The following EPHA2 variants were observed in gnomAD, a reference collection of about 807,000 sequenced individuals.
The protein encoded by EPHA2 is EPH receptor A2.
A neutral mutation model predicts 104.9 loss-of-function variants in EPHA2; 54 were observed. The observed-to-expected ratio is 0.51, with a 90% CI of 0.41 to 0.65. EPHA2 has a LOEUF of 0.65. Ranked by LOEUF, EPHA2 falls within the 30% of genes least tolerant of loss-of-function variation. EPHA2 has a pLI of 0.00. For missense variants in EPHA2, 1,117 were observed against 1,369.5 expected (o/e 0.82, Z 2.91); for synonymous variants, 560 against 559.1 (o/e 1.00, Z -0.02).
At chr1:16,133,154 C>A in intron 11 of EPHA2, 26 bp downstream of exon 11, 1 of 1,612,092 alleles carries the variant, frequency 6.2e-7, no homozygotes. Flanking sequence ...CCTCTCCACC[C>A]AGTGTGGGCA....
intron 11 of EPHA2, 53 bp downstream of exon 11, chr1:16,133,127 G>A: frequency 6.2e-7 from 1 of 1,607,224 alleles, no homozygotes; most frequent in Non-Finnish European, 8.5e-7. Context: ...CACAGACAGA[G>A]CCCCTGCTAA....
intron 3 of EPHA2, among the ~76,000 whole-genome samples, chr1:16,140,591 T>A (rs1300389789): frequency 6.6e-6 from 1 of 152,176 alleles, no homozygotes; most frequent in African/African-American, 2.4e-5. Flanking sequence ...ATTTTCAGCC[T>A]CTCTCCTCTC....
chr1:16,147,614 C>T (rs1282873859), intron 3 of EPHA2, among the ~76,000 whole-genome samples: 1 of 151,606 alleles, frequency 6.6e-6, no homozygotes, highest in Non-Finnish European at 1.5e-5. Context: ...AAAATAACAG[C>T]CACATTTAAA....
chr1:16,138,075 C>T lies in EPHA2; in HGVS notation c.1090G>A (p.Val364Ile), dbSNP rs150248625. Residue 364 changes from valine to isoleucine, a missense_variant, in exon 5 of 17, where the codon GTC (valine) becomes ATC (isoleucine). Coordinates refer to ENST00000358432, the MANE Select transcript of EPHA2 (RefSeq NM_004431.5). ...TCGGGCCAGCACTGTTCGCAGGTGA[C>T]GCTGTAGACAATGTCCTCGCGGCCC... ...SGGREDIVYS[V>I]TCEQCWPESG... 70 of 1,612,150 alleles carry T rather than the reference C, an allele frequency of 4.3e-5. No homozygotes were observed. The highest frequency in any genetic ancestry group is 8.3e-5 in the Admixed American group (5 of 59,990).
intron 3 of EPHA2, among the ~76,000 whole-genome samples, chr1:16,141,624 A>G (rs1371518358): frequency 6.6e-6 from 1 of 152,228 alleles, no homozygotes; most frequent in East Asian, 1.9e-4. Context: ...AAACCCCCAC[A>G]GCCCAGGCTC....
chr1:16,138,120 T>C lies in EPHA2; in HGVS notation c.1045A>G (p.Thr349Ala), dbSNP rs774630356. ...CGGCCCCCGCTGTCCTGAGGGGGCG[T>C]CCAGCGCAGCTCCACCTTGGCACCC... ...GMGAKVELRW[T>A]PPQDSGGRED... Residue 349 changes from threonine to alanine, a missense_variant, in exon 5 of 17, where the codon ACG becomes GCG. Physicochemically the swap from Thr to Ala is moderately conservative, Grantham distance 58 (BLOSUM62 0). This residue lies in a region of EPHA2 where 664 missense variants were observed against 784.8 expected (regional missense o/e 0.85). Transcript: ENST00000358432. The C allele has an allele frequency of 1.4e-5, 23 of 1,609,242 alleles. No homozygotes were observed. Among genetic ancestry groups the C allele is most frequent in the South Asian group, 3.3e-5 (3 of 91,060 alleles).
chr1:16,132,550 T>TC (rs2024595128), intron 11 of EPHA2, 111 bp from the exon 12 acceptor site: 1 of 1,124,332 alleles, frequency 8.9e-7, no homozygotes, highest in African/African-American at 1.8e-5. Context: ...GGCACAGGTG[T>TC]GGGGAGAGGT....
Position 16,124,949 on chromosome 1 carries a change from C to T in EPHA2, c.*266G>A. 1 of 507,314 alleles carries T rather than the reference C, an allele frequency of 2.0e-6. No individual in the cohort carries two copies. Among genetic ancestry groups the T allele is most frequent in the Non-Finnish European group, 3.6e-6 (1 of 277,884 alleles). The allele number at this position is 507,314 out of a possible 1,614,324, so 31.4% of individuals were successfully genotyped here. A position where few individuals can be genotyped will look rare whatever the true frequency, so the allele number is the denominator to read the frequency against. The stretch of plus-strand genomic sequence containing the variant: ...TCTGTCCGAAGGCTGTGGCGGGGCT[C>T]CTGCTCCAGGGATGCTGGGACGTGG... On this transcript the variant is annotated 3_prime_UTR_variant, in exon 17 of 17. Transcript: ENST00000358432.
intron 16 of EPHA2, among the ~76,000 whole-genome samples, chr1:16,127,877 G>T (rs1010451193): frequency 6.6e-6 from 1 of 152,224 alleles, no homozygotes; most frequent in African/African-American, 2.4e-5. Context: ...CGTGGGAAAG[G>T]AATTGGCGAG....
chr1:16,127,666 T>C (rs549691179), intron 16 of EPHA2, among the ~76,000 whole-genome samples: 1 of 152,238 alleles, frequency 6.6e-6, no homozygotes, highest in South Asian at 2.1e-4. Context: ...GAGATCCCCA[T>C]TTATTTGGAA....
chr1:16,133,657 G>C, intron 9 of EPHA2, 51 bp from the exon 10 acceptor site: 4 of 1,610,814 alleles, frequency 2.5e-6, no homozygotes, highest in East Asian at 2.2e-5. Flanking sequence ...GGCCCCATGG[G>C]GGGTGCTCTG....
At chr1:16,143,505 C>G (rs1217843698) in intron 3 of EPHA2, among the ~76,000 whole-genome samples, 1 of 152,094 alleles carries the variant, frequency 6.6e-6, no homozygotes, top group African/African-American at 2.4e-5. Flanking sequence ...AGCAGGGGAA[C>G]TGGGGCACAG....
intron 2 of EPHA2, 51 bp from the exon 3 acceptor site, chr1:16,149,098 G>A (rs766924930): frequency 6.3e-7 from 1 of 1,590,296 alleles, no homozygotes; most frequent in East Asian, 2.2e-5. Context: ...GGGAAACTGA[G>A]GCCCAGGTGG....
intron 3 of EPHA2, among the ~76,000 whole-genome samples, chr1:16,147,806 C>T (rs2024961918): frequency 1.3e-5 from 2 of 151,722 alleles, no homozygotes; most frequent in Admixed American, 1.3e-4. Context: ...GGGATTTGAA[C>T]ACAGGCATTC....
Position 16,125,422 on chromosome 1 carries a change from G to T in EPHA2, c.2826-102C>A. ...CGGTGGGCGGCTGGGGAGGGGAGTGGAGGGAGGCAGAGGAGGAGGGTGGAG... is the reference window on the plus strand; with the variant it reads ...CGGTGGGCGGCTGGGGAGGGGAGTGTAGGGAGGCAGAGGAGGAGGGTGGAG... On this transcript the variant is annotated intron_variant, in intron 16 of 16. Transcript: ENST00000358432. The surrounding 1 kb of genome is among the most constrained non-coding windows in gnomAD (Gnocchi z 4.9). 1.3e-6 allele frequency: 1 copy of T among 765,102 alleles called. No homozygotes were observed. Among genetic ancestry groups the T allele is most frequent in the Non-Finnish European group, 2.1e-6 (1 of 480,610 alleles). The allele number at this position is 765,102 out of a possible 1,614,324, so 47.4% of individuals were successfully genotyped here.
intron 3 of EPHA2, among the ~76,000 whole-genome samples, chr1:16,139,001 C>T (rs116115671): frequency 0.026 from 3,996 of 152,304 alleles, 167 homozygotes; most frequent in African/African-American, 0.09. Context: ...CCTTTCCATC[C>T]GGGGCTGACC....
At position 16,148,163 on chromosome 1, in the gene EPHA2, A is replaced by C. The variant is rs1569601949; in HGVS notation, c.823+215T>G. ...AGTGCTGGGATTACAGGCATGAGCC[A>C]CCGTGCCCAGCCACAATTCATTCAT... On this transcript the variant is annotated intron_variant, in intron 3 of 16. Transcript: ENST00000358432. This position sits in a 1 kb window ranked among gnomAD's most constrained non-coding sequence, Gnocchi z 4.9. 6.6e-6 allele frequency among the ~76,000 whole-genome samples: 1 copy of C among 152,218 alleles called. No individual in the cohort carries two copies. Among genetic ancestry groups the C allele is most frequent in the South Asian group, 2.1e-4 (1 of 4,830 alleles).
At chr1:16,137,414 T>C (rs1255964246) in intron 5 of EPHA2, among the ~76,000 whole-genome samples, 1 of 151,596 alleles carries the variant, frequency 6.6e-6, no homozygotes, top group Non-Finnish European at 1.5e-5. Context: ...CTGGCCGACA[T>C]AGTGAAACCC....
Position 16,135,241 on chromosome 1 carries a change from C to T in EPHA2, c.1429-52G>A, listed in dbSNP as rs542689474. The T allele has an allele frequency of 1.2e-6, 2 of 1,610,318 alleles. No homozygotes were observed. Among genetic ancestry groups the T allele is most frequent in the Admixed American group, 1.7e-5 (1 of 59,986 alleles). On this transcript the variant is annotated intron_variant, in intron 6 of 16. Coordinates refer to ENST00000358432, the MANE Select transcript of EPHA2 (RefSeq NM_004431.5). This position sits in a 1 kb window ranked among gnomAD's most constrained non-coding sequence, Gnocchi z 4.3. ...CAGGCAGTGAGGGCAGGGCAGGGGC[C>T]TCGGCTCAGCCCGCTGGAGACCACC... is the stretch of plus-strand genomic sequence containing the variant.
Sources: allele counts gnomAD v4.1 joint callset (sites outside exome capture counted in the v4.1 genomes callset), GRCh38; gene constraint gnomAD v4.1.1; regional missense constraint gnomAD v4.1.1; non-coding constraint Gnocchi (gnomAD v3.1); transcripts MANE v1.5; gene names NCBI Gene and HGNC (gene_info 2026-07-23, HGNC 2026-07-21).